ADCK5: variants seen among roughly 807,000 people sequenced by gnomAD.
ADCK5 encodes the protein uncharacterized aarF domain-containing protein kinase 5.
A neutral mutation model predicts 64.9 loss-of-function variants in ADCK5; 43 were observed. The observed-to-expected ratio is 0.66, with a 90% CI of 0.52 to 0.85. The LOEUF (loss-of-function observed/expected upper bound fraction) is 0.85, where lower values mean the gene tolerates loss of function less well. Among genes scored for constraint, ADCK5 ranks in the 40% least tolerant of loss-of-function variants. The pLI is 0.00. For synonymous variants in ADCK5, 434 were observed against 342.8 expected (o/e 1.27, Z -2.94); for missense variants, 760 against 810.5 (o/e 0.94, Z 0.76).
intron 3 of ADCK5, among the ~76,000 whole-genome samples, chr8:144,388,966 G>A (rs993432379): frequency 3.9e-5 from 6 of 152,144 alleles, no homozygotes; most frequent in East Asian, 1.9e-4. Context: ...TTCACAGAAC[G>A]CAGGGACAGG....
chr8:144,390,902 C>T lies in ADCK5; in HGVS notation c.389C>T (p.Ala130Val), dbSNP rs782122488. 2.5e-6 allele frequency: 4 copies of T among 1,612,668 alleles called. No individual in the cohort carries two copies. The highest frequency in any genetic ancestry group is 2.7e-5 in the African/African-American group (2 of 74,926). The change falls in exon 5 of 15, where the codon GCG becomes GTG. Residue 130 changes from alanine to valine, a missense_variant. By Grantham distance (64) the Ala-to-Val change is moderately conservative. This residue lies in a region of ADCK5 where 427 missense variants were observed against 518.4 expected (regional missense o/e 0.82). Coordinates refer to ENST00000308860, the MANE Select transcript of ADCK5 (RefSeq NM_174922.5). ...GTGATGTCTGCGTGTCACCAGCGGG[C>T]GGCTGATGCCCTGGTGGCAGGGGCC... is the stretch of plus-strand genomic sequence containing the variant. ...LEVMSACHQR[A>V]ADALVAGAIS...
At chr8:144,374,189 G>A (rs931768980) in intron 1 of ADCK5, 82 bp downstream of exon 1, 94 of 1,204,734 alleles carry the variant, frequency 7.8e-5, no homozygotes, top group Non-Finnish European at 9.7e-5. Flanking sequence ...CCCAGACCCC[G>A]CCCTAGAGAC....
In ADCK5 at chr8:144,390,726, G is replaced by C; in HGVS notation, c.322G>C (p.Val108Leu). The C allele has an allele frequency of 6.2e-7, 1 of 1,613,902 alleles. No homozygotes were observed. The highest frequency in any genetic ancestry group is 1.3e-5 in the African/African-American group (1 of 75,058). The change falls in exon 4 of 15, where the codon GTC (valine) becomes CTC (leucine). Residue 108 changes from valine to leucine, a missense_variant. Physicochemically the swap from Val to Leu is conservative, Grantham distance 32. Transcript: ENST00000308860. Reference sequence around the variant, plus strand: ...GGACTACTGGTGGTGCACCAATGTTGTCCTTCGAGGGGTGGAAGAGGTTTG... The same window carrying C: ...GGACTACTGGTGGTGCACCAATGTTCTCCTTCGAGGGGTGGAAGAGGTTTG... ...SLDYWWCTNV[V>L]LRGVEENSPG...
intron 3 of ADCK5, 55 bp from the exon 4 acceptor site, chr8:144,390,616 A>G (rs1820170925): frequency 1.3e-6 from 2 of 1,561,064 alleles, no homozygotes; most frequent in Non-Finnish European, 1.7e-6. Flanking sequence ...AAGAGGACCA[A>G]GCACCGGGGC....
At chr8:144,379,651 A>C (rs1262507967) in intron 2 of ADCK5, among the ~76,000 whole-genome samples, 161 bp downstream of exon 2, 1 of 152,160 alleles carries the variant, frequency 6.6e-6, no homozygotes, top group Non-Finnish European at 1.5e-5. Context: ...ACTGGGACCA[A>C]AGACCCCCAG....
chr8:144,392,970 C>A lies in ADCK5; in HGVS notation c.1639C>A (p.Leu547Met). The change falls in exon 15 of 15, where the codon CTG becomes ATG. Residue 547 changes from leucine (L) to methionine (M), a missense_variant and splice_region_variant. Coordinates refer to ENST00000308860, the MANE Select transcript of ADCK5 (RefSeq NM_174922.5). ...TGACCTGTGACCTGACCCACGCAGG[C>A]TGGAGACCTTGGCCATGCGGCTGAC... ...EMLKFEVALRLETLAMRLTAL... is the reference protein window; with the variant it reads ...EMLKFEVALRMETLAMRLTAL... The A allele has an allele frequency of 6.3e-7, 1 of 1,587,848 alleles. No individual in the cohort carries two copies. The highest frequency in any genetic ancestry group is 8.5e-7 in the Non-Finnish European group (1 of 1,170,366).
Position 144,392,278 on chromosome 8 carries a change from G to T in ADCK5, c.1200G>T (p.Leu400=). The T allele has an allele frequency of 1.3e-6, 2 of 1,522,468 alleles. No homozygotes were observed. The highest frequency in any genetic ancestry group is 1.8e-6 in the Non-Finnish European group (2 of 1,138,020). The allele number at this position is 1,522,468 out of a possible 1,614,324, so 94.3% of individuals were successfully genotyped here. The change falls in exon 12 of 15, where the codon CTG becomes CTT. Residue 400 remains leucine, a synonymous_variant. Coordinates refer to ENST00000308860, the MANE Select transcript of ADCK5 (RefSeq NM_174922.5). ...EEKDRAALCQ[L]WRAIILRDDA... The stretch of plus-strand genomic sequence containing the variant: ...GGGACCGCGCAGCCCTCTGCCAGCT[G>T]TGGCGGGCCATCATCCTGCGGGACG...
chr8:144,387,710 C>T (rs1017202466), intron 3 of ADCK5, among the ~76,000 whole-genome samples: 1 of 151,674 alleles, frequency 6.6e-6, no homozygotes. Flanking sequence ...TGGCCTCCAC[C>T]CAGCAGTTTA....
intron 3 of ADCK5, among the ~76,000 whole-genome samples, chr8:144,390,217 C>T (rs1554860097): frequency 6.6e-6 from 1 of 152,182 alleles, no homozygotes; most frequent in African/African-American, 2.4e-5. Context: ...GTCTCCACCT[C>T]CTAGGCTCAA....
chr8:144,377,007 C>T (rs916843951), intron 1 of ADCK5, among the ~76,000 whole-genome samples: 31 of 152,356 alleles, frequency 2.0e-4, no homozygotes, highest in Non-Finnish European at 4.0e-4. Flanking sequence ...AAAATTTTCT[C>T]CAGGGCTCTG....
At chr8:144,374,607 C>T (rs1267959156) in intron 1 of ADCK5, among the ~76,000 whole-genome samples, 1 of 152,138 alleles carries the variant, frequency 6.6e-6, no homozygotes, top group Non-Finnish European at 1.5e-5. Flanking sequence ...GCGGGGAAGC[C>T]TCAGGCGCCG....
rs1476012326 is a variant in ADCK5, at chr8:144,392,802, C to A, written c.1547C>A (p.Ala516Glu). 23 of 1,591,174 alleles carry A rather than the reference C, an allele frequency of 1.4e-5. No individual in the cohort carries two copies. Among genetic ancestry groups the A allele is most frequent in the Non-Finnish European group, 1.9e-5 (22 of 1,173,444 alleles). Residue 516 changes from alanine (A) to glutamate (E), a missense_variant, in exon 14 of 15, where the codon GCG (alanine) becomes GAG (glutamate). Around this residue, in one of 2 missense-constraint regions of ADCK5, gnomAD observed 333 missense variants for 292.0 expected, o/e 1.14. Transcript: ENST00000308860. Reference protein sequence around the residue: ...KRAVRGWSRLAGATYRGVYGT... With the variant: ...KRAVRGWSRLEGATYRGVYGT... ...GCTGTCCGGGGCTGGAGCCGCCTGGCGGGCGCCACGTATCGGGGTGTCTAC... is the reference window on the plus strand; with the variant it reads ...GCTGTCCGGGGCTGGAGCCGCCTGGAGGGCGCCACGTATCGGGGTGTCTAC...
Position 144,388,853 on chromosome 8 carries a change from C to T in ADCK5, c.267-1818C>T, listed in dbSNP as rs529061702. Among the ~76,000 whole-genome samples, 82 of 152,300 alleles carry T rather than the reference C, an allele frequency of 5.4e-4. 1 individual carries two copies. Among genetic ancestry groups the T allele is most frequent in the Admixed American group, 4.1e-3 (63 of 15,302 alleles). The stretch of plus-strand genomic sequence containing the variant: ...GGGGCCAGAGTGGGGCCTGAATGGC[C>T]GGGGGGTCGCCCTGGGTTGATGGGG... On this transcript the variant is annotated intron_variant, in intron 3 of 14. Transcript: ENST00000308860.
chr8:144,375,563 A>C, intron 1 of ADCK5: 1 of 985,314 alleles, frequency 1.0e-6, no homozygotes, highest in Non-Finnish European at 1.2e-6. Context: ...GCGCTGGAAA[A>C]CCAGACACGA....
intron 2 of ADCK5, 97 bp from the exon 3 acceptor site, chr8:144,382,984 C>A: frequency 6.7e-7 from 1 of 1,491,612 alleles, no homozygotes; most frequent in Non-Finnish European, 9.1e-7. Context: ...GCTGTGCACA[C>A]AGGAGTGAGA....
At chr8:144,374,039 TGGGCTGCGAGACGCTAAGCGGCGCC>T in exon 1 of ADCK5, 1 of 1,243,290 alleles carries the variant, frequency 8.0e-7, no homozygotes, top group Non-Finnish European at 1.0e-6. Context: ...CAGGGCCTGC[TGGGCTGCGAGACGCTAAGCGGCGCC>T]GGGCGGGAGA....
intron 1 of ADCK5, among the ~76,000 whole-genome samples, chr8:144,374,693 GC>G (rs1554856784): frequency 6.6e-6 from 1 of 152,110 alleles, no homozygotes; most frequent in Non-Finnish European, 1.5e-5. Flanking sequence ...TCCTTCGCTC[GC>G]CTCCCCGCCG....
intron 3 of ADCK5, among the ~76,000 whole-genome samples, chr8:144,385,070 C>T (rs1819849887): frequency 6.6e-6 from 1 of 151,938 alleles, no homozygotes; most frequent in African/African-American, 2.4e-5. Flanking sequence ...CAGCAGAGGT[C>T]AGAACAGGCC....
rs1820173309 is a variant in ADCK5 at position 144,390,637 on chromosome 8, C to A, written c.267-34C>A. 3 of 1,607,368 alleles carry A rather than the reference C, an allele frequency of 1.9e-6. No individual in the cohort carries two copies. The East Asian group carries it at 6.7e-5, about 36-fold the overall frequency. Reference sequence around the variant, plus strand: ...ACCAAGCACCGGGGCCCCGAGCCTGCCCCGCTGGAGACTGAGGCCACCTCT... The same window carrying A: ...ACCAAGCACCGGGGCCCCGAGCCTGACCCGCTGGAGACTGAGGCCACCTCT... On this transcript the variant is annotated intron_variant, in intron 3 of 14. Coordinates refer to ENST00000308860, the MANE Select transcript of ADCK5 (RefSeq NM_174922.5).
Sources: gnomAD v4.1 joint callset for allele counts (sites outside exome capture counted in the v4.1 genomes callset) on GRCh38, gnomAD v4.1.1 for gene constraint, gnomAD v4.1.1 regional missense constraint, MANE v1.5 for transcripts, NCBI Gene and HGNC (gene_info 2026-07-23, HGNC 2026-07-21) for gene names.